The following GBE1 variants were observed in gnomAD, a reference collection of about 807,000 sequenced individuals.
The protein encoded by GBE1 is 1,4-alpha-glucan-branching enzyme.
Under a neutral mutation model 88.8 loss-of-function variants are expected in GBE1, and 70 were observed. The ratio of observed to expected loss-of-function variants is 0.79; its 90% CI spans 0.65 to 0.96. The LOEUF is 0.96. Ranked by LOEUF, GBE1 falls within the 40% of genes least tolerant of loss-of-function variation. GBE1 has a pLI of 0.00. For missense variants in GBE1, 872 were observed against 871.0 expected (o/e 1.00, Z -0.01); for synonymous variants, 284 against 300.1 (o/e 0.95, Z 0.56).
chr3:81,759,635 T>G (rs1327846778), intron 1 of GBE1, among the ~76,000 whole-genome samples: 1 of 152,144 alleles, frequency 6.6e-6, no homozygotes, highest in African/African-American at 2.4e-5. Flanking sequence ...AAAAGTAAAA[T>G]CCGGGTCAGA....
intron 7 of GBE1, among the ~76,000 whole-genome samples, chr3:81,631,039 C>A (rs1487575171): frequency 6.6e-6 from 1 of 151,598 alleles, no homozygotes; most frequent in Non-Finnish European, 1.5e-5. Flanking sequence ...CCCATCTCTA[C>A]AAAAAATAAA....
intron 7 of GBE1, among the ~76,000 whole-genome samples, chr3:81,603,658 C>T (rs1426623907): frequency 6.6e-6 from 1 of 152,038 alleles, no homozygotes; most frequent in Non-Finnish European, 1.5e-5. Context: ...CCACGCCCAG[C>T]TAATTTTTTG....
At chr3:81,677,041 G>A (rs901692385) in intron 2 of GBE1, among the ~76,000 whole-genome samples, 16 of 152,132 alleles carry the variant, frequency 1.1e-4, no homozygotes, top group African/African-American at 3.9e-4. Flanking sequence ...TCAAATGTCA[G>A]CCTCCTTCAA....
rs1559676007 is a variant in GBE1, at chr3:81,649,875, G to A, written c.476C>T (p.Pro159Leu). 6.8e-6 allele frequency: 11 copies of A among 1,609,334 alleles called. No homozygotes were observed. The highest frequency in any genetic ancestry group is 1.6e-4 in the Middle Eastern group (1 of 6,068). Residue 159 changes from proline to leucine, a missense_variant, in exon 4 of 16, where the codon CCG becomes CTG. Transcript: ENST00000429644. ...KSGEILYRISPWAKYVVREGD... is the reference protein window; with the variant it reads ...KSGEILYRISLWAKYVVREGD... ...TTCACGAACCACATACTTTGCCCAC[G>A]GTGAAATACGATACAAGATCTCTCC... is the stretch of plus-strand genomic sequence containing the variant.
chr3:81,546,634 C>T (rs893629119), intron 12 of GBE1, among the ~76,000 whole-genome samples: 2 of 151,452 alleles, frequency 1.3e-5, no homozygotes, highest in Non-Finnish European at 1.5e-5. Flanking sequence ...ATACTCCCAC[C>T]AGTGCCACAA....
chr3:81,645,937 CTT>C (rs1409147436), intron 6 of GBE1, among the ~76,000 whole-genome samples: 1 of 152,130 alleles, frequency 6.6e-6, no homozygotes, highest in Non-Finnish European at 1.5e-5. Context: ...CCCTTGGTGT[CTT>C]TTCTGTCCAG....
chr3:81,633,344 A>C (rs1172252748), intron 7 of GBE1, among the ~76,000 whole-genome samples: 1 of 152,110 alleles, frequency 6.6e-6, no homozygotes, highest in Non-Finnish European at 1.5e-5. Context: ...TATTTTACAG[A>C]GGGGGAAATT....
intron 1 of GBE1, among the ~76,000 whole-genome samples, chr3:81,718,049 A>T (rs1705965717): frequency 6.6e-6 from 1 of 151,548 alleles, no homozygotes. Context: ...GCACAATTTC[A>T]GTTCACTGCA....
intron 14 of GBE1, among the ~76,000 whole-genome samples, chr3:81,531,398 C>T (rs1559635957): frequency 6.6e-6 from 1 of 151,714 alleles, no homozygotes; most frequent in Non-Finnish European, 1.5e-5. Flanking sequence ...GCAGGAGTCT[C>T]TTCCCATGGC....
At chr3:81,717,927 T>C (rs1038164398) in intron 1 of GBE1, among the ~76,000 whole-genome samples, 2 of 151,850 alleles carry the variant, frequency 1.3e-5, no homozygotes, top group Non-Finnish European at 2.9e-5. Context: ...AAACCACTTA[T>C]GAAATATAAA....
chr3:81,610,010 G>T (rs760006353), intron 7 of GBE1, among the ~76,000 whole-genome samples: 2 of 152,146 alleles, frequency 1.3e-5, no homozygotes, highest in Non-Finnish European at 2.9e-5. Flanking sequence ...ACAAATGTGA[G>T]GAAATAATGC....
At chr3:81,742,739 G>A (rs868499295) in intron 1 of GBE1, among the ~76,000 whole-genome samples, 44 of 152,096 alleles carry the variant, frequency 2.9e-4, no homozygotes, top group African/African-American at 9.2e-4. Context: ...AGAATTGCCC[G>A]AGGACTGTTA....
chr3:81,626,028 T>C (rs956708852), intron 7 of GBE1, among the ~76,000 whole-genome samples: 27 of 152,330 alleles, frequency 1.8e-4, no homozygotes, highest in Admixed American at 1.5e-3. Flanking sequence ...TTGTATGTTG[T>C]AAATAAATAG....
At position 81,724,704 on chromosome 3, in the gene GBE1, T is replaced by C. The variant is rs1033115954; in HGVS notation, c.144-19091A>G. On this transcript the variant is annotated intron_variant, in intron 1 of 15. Transcript: ENST00000429644. ...ATACATGAAAATGTGATGTCTTTCA[T>C]TGAAAGAAAAGAAATTTCATTCACC... 6.6e-5 allele frequency among the ~76,000 whole-genome samples: 10 copies of C among 152,094 alleles called. No homozygotes were observed. In the South Asian group the frequency reaches 1.0e-3, roughly 16 times the overall value.
At chr3:81,729,098 T>C (rs1219867315) in intron 1 of GBE1, among the ~76,000 whole-genome samples, 1 of 152,170 alleles carries the variant, frequency 6.6e-6, no homozygotes, top group Non-Finnish European at 1.5e-5. Context: ...TTGGAACTGA[T>C]TATTATCTGT....
chr3:81,629,018 GT>G (rs34707682), intron 7 of GBE1, among the ~76,000 whole-genome samples: 1,234 of 97,986 alleles, frequency 0.013, 8 homozygotes, highest in South Asian at 0.018. Context: ...TTATGTTTAA[GT>G]TTTTTTTTTT....
chr3:81,688,645 T>C (rs952095994), intron 2 of GBE1, among the ~76,000 whole-genome samples: 1 of 152,100 alleles, frequency 6.6e-6, no homozygotes, highest in Admixed American at 6.6e-5. Context: ...ATGATTAAAA[T>C]GCACAAAAGA....
At chr3:81,557,771 G>A (rs145510387) in intron 12 of GBE1, among the ~76,000 whole-genome samples, 95 of 152,150 alleles carry the variant, frequency 6.2e-4, no homozygotes, top group Middle Eastern at 6.8e-3. Flanking sequence ...AGCAATAAAA[G>A]AGAACCAGTA....
intron 7 of GBE1, among the ~76,000 whole-genome samples, chr3:81,621,549 T>C (rs1342393562): frequency 1.3e-5 from 2 of 152,216 alleles, no homozygotes; most frequent in East Asian, 3.9e-4. Context: ...AGTACCCTCA[T>C]CCAACAATTC....
Sources: gnomAD v4.1 joint callset for allele counts (sites outside exome capture counted in the v4.1 genomes callset) on GRCh38, gnomAD v4.1.1 for gene constraint, MANE v1.5 for transcripts, NCBI Gene and HGNC (gene_info 2026-07-23, HGNC 2026-07-21) for gene names.